AFF3: variants seen among roughly 807,000 people sequenced by gnomAD.
The protein encoded by AFF3 is AF4/FMR2 family member 3.
In AFF3, 32 loss-of-function variants were observed where a neutral mutation model predicts 129.7. The observed-to-expected ratio is 0.25, with a 90% CI of 0.19 to 0.33. The LOEUF (loss-of-function observed/expected upper bound fraction) is 0.33, where lower values mean the gene tolerates loss of function less well. Ranked by LOEUF, AFF3 falls within the 10% of genes least tolerant of loss-of-function variation. The pLI is 1.00. For missense variants in AFF3, 1,373 were observed against 1,592.0 expected (o/e 0.86, Z 2.34); for synonymous variants, 644 against 635.4 (o/e 1.01, Z -0.20).
chr2:99,996,699 T>C (rs751921644), intron 7 of AFF3, among the ~76,000 whole-genome samples: 51 of 152,026 alleles, frequency 3.4e-4, no homozygotes, highest in Non-Finnish European at 5.6e-4. Flanking sequence ...GTTCTTAATG[T>C]TATCTAAATT....
intron 18 of AFF3, among the ~76,000 whole-genome samples, chr2:99,570,513 T>A (rs1676378814): frequency 6.6e-6 from 1 of 152,172 alleles, no homozygotes; most frequent in Non-Finnish European, 1.5e-5. Context: ...ACTTTTTGTA[T>A]TTTTAGTGGA....
At chr2:100,012,336 T>C (rs78592196) in intron 4 of AFF3, among the ~76,000 whole-genome samples, 5,268 of 152,288 alleles carry the variant, frequency 0.035, 318 homozygotes, top group African/African-American at 0.12. Context: ...TCCACTGAGC[T>C]GCTTCTTAAA....
rs1178863026 is a variant in AFF3 at position 100,007,235 on chromosome 2, C to T, written c.400G>A (p.Ala134Thr). ...SICSTTTSTPAAVPVQQSKRG... is the reference protein window; with the variant it reads ...SICSTTTSTPTAVPVQQSKRG... ...TTACTCTGCTGCACGGGGACAGCTG[C>T]TGGTGTGGAAGTTGTAGTGCTACAG... is the stretch of plus-strand genomic sequence containing the variant. The change falls in exon 6 of 25, where the codon GCA (alanine) becomes ACA (threonine). Residue 134 changes from alanine (A) to threonine (T), a missense_variant. Ala to Thr is a moderately conservative substitution (Grantham distance 58). Transcript: ENST00000672756. 3.1e-6 allele frequency: 5 copies of T among 1,614,116 alleles called. No individual in the cohort carries two copies. The highest frequency in any genetic ancestry group is 4.2e-6 in the Non-Finnish European group (5 of 1,180,020).
intron 13 of AFF3, among the ~76,000 whole-genome samples, chr2:99,633,731 A>C (rs1265171202): frequency 6.6e-6 from 1 of 151,884 alleles, no homozygotes. Context: ...GGTTCTTACA[A>C]AGCGAGTGGT....
chr2:99,994,374 T>A (rs1156807894), intron 7 of AFF3, among the ~76,000 whole-genome samples: 2 of 152,168 alleles, frequency 1.3e-5, no homozygotes, highest in African/African-American at 2.4e-5. Flanking sequence ...GTAAAAAAAG[T>A]GAGACACTGT....
chr2:100,082,657 C>A (rs1689122781), intron 4 of AFF3, among the ~76,000 whole-genome samples: 1 of 152,094 alleles, frequency 6.6e-6, no homozygotes, highest in African/African-American at 2.4e-5. Context: ...CAAGGACTTA[C>A]ACTACAGCTA....
intron 8 of AFF3, among the ~76,000 whole-genome samples, chr2:99,776,876 C>CAGGATCTG (rs1297307551): frequency 6.6e-6 from 1 of 152,226 alleles, no homozygotes. Context: ...ATCAGACCAC[C>CAGGATCTG]ATCAGCACCA....
intron 7 of AFF3, among the ~76,000 whole-genome samples, chr2:99,942,214 A>G (rs1397573024): frequency 1.3e-5 from 2 of 152,164 alleles, no homozygotes; most frequent in Non-Finnish European, 2.9e-5. Context: ...GCTGGAGGAC[A>G]CACTCAGGAA....
At chr2:99,806,622 T>C (rs1686373591) in intron 8 of AFF3, among the ~76,000 whole-genome samples, 1 of 152,186 alleles carries the variant, frequency 6.6e-6, no homozygotes, top group African/African-American at 2.4e-5. Context: ...AGAACAACAC[T>C]GATTCTGCAG....
intron 13 of AFF3, among the ~76,000 whole-genome samples, chr2:99,604,832 T>TA (rs2105120700): frequency 6.6e-6 from 1 of 152,218 alleles, no homozygotes; most frequent in Non-Finnish European, 1.5e-5. Flanking sequence ...TGAAGATGAA[T>TA]AAAGAACATT....
intron 4 of AFF3, among the ~76,000 whole-genome samples, chr2:100,098,995 C>T (rs913717433): frequency 1.5e-5 from 2 of 129,582 alleles, no homozygotes; most frequent in South Asian, 5.1e-4. Context: ...TTTGCCTCCT[C>T]GTACCTGCCG....
intron 2 of AFF3, among the ~76,000 whole-genome samples, chr2:100,112,954 A>G (rs1691576658): frequency 6.6e-6 from 1 of 152,208 alleles, no homozygotes; most frequent in Non-Finnish European, 1.5e-5. Flanking sequence ...TGAATTTAGC[A>G]TTGCTTTCTG....
intron 4 of AFF3, among the ~76,000 whole-genome samples, chr2:100,010,801 G>A (rs1032266773): frequency 6.6e-6 from 1 of 152,080 alleles, no homozygotes; most frequent in Non-Finnish European, 1.5e-5. Flanking sequence ...CCCTGCTTGT[G>A]GACATTTGTA....
rs1265145643 is a variant in AFF3 at position 99,547,236 on chromosome 2, C to T, written c.*4238G>A. The T allele has an allele frequency of 4.6e-6, 1 of 215,936 alleles. No individual in the cohort carries two copies. The highest frequency in any genetic ancestry group is 5.8e-5 in the Admixed American group (1 of 17,140). 13.4% of individuals were successfully genotyped at this position (215,936 alleles called of 1,614,324 possible). A position where few individuals can be genotyped will look rare whatever the true frequency, so the allele number is the denominator to read the frequency against. ...GAAATTGGTGGATGTCTTTTACGTA[C>T]AACTCAACTTCTCTCATTTACAACA... is the stretch of plus-strand genomic sequence containing the variant. On this transcript the variant is annotated 3_prime_UTR_variant, in exon 25 of 25. Transcript: ENST00000672756.
At chr2:99,839,736 C>T (rs571392335) in intron 7 of AFF3, among the ~76,000 whole-genome samples, 103 of 152,022 alleles carry the variant, frequency 6.8e-4, no homozygotes, top group African/African-American at 2.4e-3. Context: ...CTCAGTCACC[C>T]GAGTAGCTGA....
At chr2:99,735,724 C>T (rs983196220) in intron 10 of AFF3, among the ~76,000 whole-genome samples, 1 of 152,192 alleles carries the variant, frequency 6.6e-6, no homozygotes, top group Non-Finnish European at 1.5e-5. Flanking sequence ...AATTCCTGAC[C>T]TCAATGGATC....
intron 7 of AFF3, among the ~76,000 whole-genome samples, chr2:99,965,767 TG>T (rs1412788967): frequency 1.3e-5 from 2 of 152,320 alleles, no homozygotes; most frequent in African/African-American, 2.4e-5. Context: ...ACCACTGAAA[TG>T]GCACCAACCA....
chr2:99,908,807 T>A (rs1357680713), intron 7 of AFF3, among the ~76,000 whole-genome samples: 2 of 152,156 alleles, frequency 1.3e-5, no homozygotes, highest in Non-Finnish European at 2.9e-5. Flanking sequence ...GTGGCGATCA[T>A]TAAAAAGTCA....
chr2:99,839,772 C>T (rs899234681), intron 7 of AFF3, among the ~76,000 whole-genome samples: 6 of 152,020 alleles, frequency 3.9e-5, no homozygotes, highest in African/African-American at 9.6e-5. Flanking sequence ...TCACCATGCC[C>T]GGCTAATTTT....
Sources: allele counts gnomAD v4.1 joint callset (sites outside exome capture counted in the v4.1 genomes callset), GRCh38; gene constraint gnomAD v4.1.1; transcripts MANE v1.5; gene names NCBI Gene and HGNC (gene_info 2026-07-23, HGNC 2026-07-21).